Variants in ABHD16A observed in about 807,000 individuals in gnomAD.
The protein encoded by ABHD16A is phosphatidylserine lipase ABHD16A.
Under a neutral mutation model 89.8 loss-of-function variants are expected in ABHD16A, and 47 were observed. The observed-to-expected ratio is 0.52, with a 90% CI of 0.41 to 0.67. The LOEUF (loss-of-function observed/expected upper bound fraction) is 0.67, where lower values mean the gene tolerates loss of function less well. Ranked by LOEUF, ABHD16A falls within the 30% of genes least tolerant of loss-of-function variation. The pLI, the probability that ABHD16A is intolerant of heterozygous loss-of-function variation, is 0.00. For missense variants in ABHD16A, 580 were observed against 734.6 expected (o/e 0.79, Z 2.43); for synonymous variants, 251 against 280.4 (o/e 0.90, Z 1.05).
intron 1 of ABHD16A, chr6:31,702,782 A>C: frequency 6.8e-7 from 1 of 1,466,452 alleles, no homozygotes; most frequent in East Asian, 2.6e-5. Context: ...GAGGCACTGA[A>C]GAAGAGGAAA....
chr6:31,687,256 T>C lies in ABHD16A; in HGVS notation c.1633A>G (p.Thr545Ala), dbSNP rs138391902. The change falls in exon 20 of 20, where the codon ACC becomes GCC. Residue 545 changes from threonine to alanine, a missense_variant. Around this residue, in one of 2 missense-constraint regions of ABHD16A, gnomAD observed 415 missense variants for 568.8 expected, o/e 0.73. Coordinates refer to ENST00000395952, the MANE Select transcript of ABHD16A (RefSeq NM_021160.3). The surrounding 1 kb of genome is among the most constrained non-coding windows in gnomAD (Gnocchi z 6.3). ...HLHNFEATHC[T>A]PLPAQNFQMP... ...TGGAAGTTCTGGGCTGGGAGTGGGG[T>C]GCAGTGAGTGGCCTCAAAGTTGTGC... 5.0e-6 allele frequency: 8 copies of C among 1,612,636 alleles called. No homozygotes were observed. Among genetic ancestry groups the C allele is most frequent in the Non-Finnish European group, 6.8e-6 (8 of 1,179,936 alleles).
At position 31,693,457 on chromosome 6, in the gene ABHD16A, G is replaced by C. The variant is rs1174704013; in HGVS notation, c.430-25C>G. The C allele has an allele frequency of 1.2e-6, 2 of 1,611,658 alleles. No individual in the cohort carries two copies. The highest frequency in any genetic ancestry group is 8.5e-7 in the Non-Finnish European group (1 of 1,179,182). ...TCTGCAGTGGGCACGAGAGGCAAAG[G>C]GGTACTGAGAACTCAGGGGAGGCTC... On this transcript the variant is annotated intron_variant, in intron 5 of 19. Transcript: ENST00000395952. The surrounding 1 kb of genome is among the most constrained non-coding windows in gnomAD (Gnocchi z 5.0).
intron 1 of ABHD16A, chr6:31,702,680 G>T: frequency 6.5e-7 from 1 of 1,546,004 alleles, no homozygotes; most frequent in East Asian, 2.5e-5. Flanking sequence ...GGGTTGAGGG[G>T]AGGACCGACG....
chr6:31,699,513 C>T (rs1462590371), intron 4 of ABHD16A, among the ~76,000 whole-genome samples: 2 of 149,344 alleles, frequency 1.3e-5, no homozygotes, highest in African/African-American at 5.1e-5. Flanking sequence ...AAACATACTG[C>T]ATACATTATT....
chr6:31,701,091 T>A, intron 3 of ABHD16A, 63 bp from the exon 4 acceptor site: 1 of 1,466,762 alleles, frequency 6.8e-7, no homozygotes. Flanking sequence ...CTCTTCCCAG[T>A]TCAGCCCCAA....
Position 31,703,284 on chromosome 6 carries a change from CCCCGGCT to C in ABHD16A, c.-10_-4del, listed in dbSNP as rs2151263610. ...ACGCAGCTCAGCAGCTTCGCCATGG[CCCCGGCT>C]CGGGCCGCTGCTCTTCCAGCAGCAG... On this transcript the variant is annotated 5_prime_UTR_variant, in exon 1 of 20. Transcript: ENST00000395952. 7.4e-6 allele frequency: 10 copies of C among 1,348,206 alleles called. No individual in the cohort carries two copies. The highest frequency in any genetic ancestry group is 9.6e-6 in the Non-Finnish European group (10 of 1,037,816). 83.5% of individuals were successfully genotyped at this position (1,348,206 alleles called of 1,614,324 possible). A position where few individuals can be genotyped will look rare whatever the true frequency, so the allele number is the denominator to read the frequency against.
intron 7 of ABHD16A, 150 bp from the exon 8 acceptor site, chr6:31,692,068 A>G (rs1583684507): frequency 1.6e-6 from 1 of 632,494 alleles, no homozygotes. Context: ...CCTTAATGAA[A>G]TATGTACCAG....
intron 1 of ABHD16A, chr6:31,702,557 C>G: frequency 7.2e-7 from 1 of 1,394,502 alleles, no homozygotes; most frequent in Non-Finnish European, 9.4e-7. Context: ...TTGTAGGAGA[C>G]AGTAACACAA....
At chr6:31,692,142 C>G in intron 7 of ABHD16A, 1 of 512,436 alleles carries the variant, frequency 2.0e-6, no homozygotes, top group African/African-American at 1.9e-5. Flanking sequence ...TATTGTGGCT[C>G]AGTGCACACA....
Position 31,693,004 on chromosome 6 carries a change from C to T in ABHD16A, c.626+23G>A. 1 of 1,614,232 alleles carries T rather than the reference C, an allele frequency of 6.2e-7. No homozygotes were observed. Among genetic ancestry groups the T allele is most frequent in the Non-Finnish European group, 8.5e-7 (1 of 1,180,046 alleles). On this transcript the variant is annotated intron_variant, in intron 7 of 19. Coordinates refer to ENST00000395952, the MANE Select transcript of ABHD16A (RefSeq NM_021160.3). This position sits in a 1 kb window ranked among gnomAD's most constrained non-coding sequence, Gnocchi z 5.0. ...AAATGGCCCCTCCACCCCAGTGGGC[C>T]TCTCCTCGCTGCTGTTTCCCACCTG...
chr6:31,690,419 G>T lies in ABHD16A; in HGVS notation c.907+120C>A. The stretch of plus-strand genomic sequence containing the variant: ...AATGGCGAGTGGACTTTTCCCTAAA[G>T]CTGAGAGACTCAAAACCTCACCCAG... On this transcript the variant is annotated intron_variant, in intron 10 of 19. Coordinates refer to ENST00000395952, the MANE Select transcript of ABHD16A (RefSeq NM_021160.3). This position sits in a 1 kb window ranked among gnomAD's most constrained non-coding sequence, Gnocchi z 4.1. 8.9e-7 allele frequency: 1 copy of T among 1,127,872 alleles called. No individual in the cohort carries two copies. The highest frequency in any genetic ancestry group is 1.3e-6 in the Non-Finnish European group (1 of 750,256). The allele number at this position is 1,127,872 out of a possible 1,614,324, so 69.9% of individuals were successfully genotyped here.
chr6:31,701,479 A>G, intron 2 of ABHD16A, 139 bp from the exon 3 acceptor site: 1 of 703,294 alleles, frequency 1.4e-6, no homozygotes, highest in Non-Finnish European at 2.4e-6. Context: ...CACCATGAAT[A>G]CAGTAGGTGC....
intron 5 of ABHD16A, among the ~76,000 whole-genome samples, chr6:31,696,217 G>C (rs187588805): frequency 6.6e-6 from 1 of 151,696 alleles, no homozygotes; most frequent in African/African-American, 2.4e-5. Flanking sequence ...TGTAATTCCA[G>C]CTACTCAGGA....
chr6:31,690,281 G>T lies in ABHD16A; in HGVS notation c.908-154C>A. ...AGATGACACCAGAGGTTCTGAGGCA[G>T]CACAGGGAGCAGCATGTGATTGTGT... is the stretch of plus-strand genomic sequence containing the variant. On this transcript the variant is annotated intron_variant, in intron 10 of 19. Coordinates refer to ENST00000395952, the MANE Select transcript of ABHD16A (RefSeq NM_021160.3). This position sits in a 1 kb window ranked among gnomAD's most constrained non-coding sequence, Gnocchi z 4.1. 1 of 738,648 alleles carries T rather than the reference G, an allele frequency of 1.4e-6. No homozygotes were observed. Among genetic ancestry groups the T allele is most frequent in the Non-Finnish European group, 2.2e-6 (1 of 454,816 alleles). 45.8% of individuals were successfully genotyped at this position (738,648 alleles called of 1,614,324 possible).
chr6:31,696,678 T>C (rs1804431490), intron 5 of ABHD16A, among the ~76,000 whole-genome samples: 1 of 151,806 alleles, frequency 6.6e-6, no homozygotes. Flanking sequence ...GTGGAATGTT[T>C]CTAGTTTAGC....
intron 1 of ABHD16A, chr6:31,702,694 A>C: frequency 6.5e-7 from 1 of 1,546,308 alleles, no homozygotes; most frequent in Non-Finnish European, 8.7e-7. Context: ...ACCGACGGAT[A>C]CAGGATCTGT....
chr6:31,701,066 A>G, intron 3 of ABHD16A, 38 bp from the exon 4 acceptor site: 2 of 1,546,552 alleles, frequency 1.3e-6, no homozygotes, highest in Non-Finnish European at 1.8e-6. Flanking sequence ...CCCTCTCCGC[A>G]ATGTCCCTCA....
intron 3 of ABHD16A, 101 bp from the exon 4 acceptor site, chr6:31,701,129 C>G: frequency 7.6e-7 from 1 of 1,324,252 alleles, no homozygotes; most frequent in Non-Finnish European, 1.1e-6. Context: ...CTGTTTGGAA[C>G]AGCCATACCC....
chr6:31,702,465 C>T (rs917376742), intron 1 of ABHD16A: 2 of 854,558 alleles, frequency 2.3e-6, no homozygotes, highest in African/African-American at 3.5e-5. Context: ...AGAAAAGACA[C>T]CTAGACAATC....
Sources: allele counts gnomAD v4.1 joint callset (sites outside exome capture counted in the v4.1 genomes callset), GRCh38; gene constraint gnomAD v4.1.1; regional missense constraint gnomAD v4.1.1; non-coding constraint Gnocchi (gnomAD v3.1); transcripts MANE v1.5; gene names NCBI Gene and HGNC (gene_info 2026-07-23, HGNC 2026-07-21).